Variants in RYR2 observed in about 807,000 individuals in gnomAD.
RYR2 encodes the protein ryanodine receptor 2.
In RYR2, 227 loss-of-function variants were observed where a neutral mutation model predicts 601.1. The observed-to-expected ratio is 0.38, with a 90% confidence interval of 0.34 to 0.42. The LOEUF (loss-of-function observed/expected upper bound fraction) is 0.42. Ranked by LOEUF, RYR2 falls within the 10% of genes least tolerant of loss-of-function variation. RYR2 has a pLI of 1.00. For missense variants in RYR2, 4,646 were observed against 6,156.5 expected, an observed-to-expected ratio of 0.75 and a Z score of 8.21; for synonymous variants, 2,223 against 2,175.1, an observed-to-expected ratio of 1.02 and a Z score of -0.61.
At chr1:237,456,423 A>G (rs909984862) in intron 15 of RYR2, among the ~76,000 whole-genome samples, 177 bp from the exon 16 acceptor site, 1 of 152,206 alleles carries the variant, frequency 6.6e-6, no homozygotes, top group Non-Finnish European at 1.5e-5. Context: ...AGAACATTTC[A>G]TTTCACATGC....
chr1:237,140,884 G>A (rs1673316094), intron 1 of RYR2, among the ~76,000 whole-genome samples: 1 of 152,180 alleles, frequency 6.6e-6, no homozygotes, highest in Non-Finnish European at 1.5e-5. Context: ...GAGCTAGGCC[G>A]AGCTCAGTGT....
chr1:237,819,247 G>T lies in RYR2; in HGVS notation c.14590+55G>T. 6.6e-7 allele frequency: 1 copy of T among 1,526,000 alleles called. No individual in the cohort carries two copies. The highest frequency in any genetic ancestry group is 9.0e-7 in the Non-Finnish European group (1 of 1,106,308). The allele number at this position is 1,526,000 out of a possible 1,614,324, so 94.5% of individuals were successfully genotyped here. A position where few individuals can be genotyped will look rare whatever the true frequency, so the allele number is the denominator to read the frequency against. On this transcript the variant is annotated intron_variant, in intron 101 of 104. Coordinates refer to ENST00000366574, the MANE Select transcript of RYR2 (RefSeq NM_001035.3). The surrounding 1 kb of genome is among the most constrained non-coding windows in gnomAD (Gnocchi z 4.0). Reference sequence around the variant, plus strand: ...ACATCTAGAATTTGAGCCACATGTTGCTGAAGTTAATATTCAAGGTAGGGT... The same window carrying T: ...ACATCTAGAATTTGAGCCACATGTTTCTGAAGTTAATATTCAAGGTAGGGT...
intron 1 of RYR2, among the ~76,000 whole-genome samples, chr1:237,083,297 C>T (rs745971705): frequency 4.6e-5 from 7 of 152,168 alleles, no homozygotes; most frequent in Non-Finnish European, 1.0e-4. Flanking sequence ...GGGCAGCCAA[C>T]AGCCAGATGA....
intron 60 of RYR2, among the ~76,000 whole-genome samples, chr1:237,677,568 T>C (rs1214269019): frequency 6.6e-6 from 1 of 152,184 alleles, no homozygotes; most frequent in Non-Finnish European, 1.5e-5. Context: ...TCCTGCAGTT[T>C]TTTAGTTTGT....
intron 1 of RYR2, among the ~76,000 whole-genome samples, chr1:237,193,298 T>C (rs549356015): frequency 4.6e-5 from 7 of 151,910 alleles, no homozygotes; most frequent in Non-Finnish European, 1.0e-4. Context: ...ACCCCGTCTC[T>C]ACTAAAAATA....
At chr1:237,385,856 C>G (rs1408520075) in intron 8 of RYR2, among the ~76,000 whole-genome samples, 1 of 152,186 alleles carries the variant, frequency 6.6e-6, no homozygotes, top group Non-Finnish European at 1.5e-5. Flanking sequence ...CAGCTGTGAA[C>G]CTGTGTCAGG....
intron 10 of RYR2, among the ~76,000 whole-genome samples, chr1:237,413,081 A>G (rs950884795): frequency 6.6e-6 from 1 of 152,116 alleles, no homozygotes; most frequent in South Asian, 2.1e-4. Context: ...AGATCTTGAT[A>G]TTGTGGTGCC....
intron 24 of RYR2, among the ~76,000 whole-genome samples, chr1:237,528,106 T>C (rs911005422): frequency 3.9e-5 from 6 of 152,152 alleles, no homozygotes; most frequent in Admixed American, 3.3e-4. Context: ...AAATTAAAGA[T>C]GCTGGCAATT....
chr1:237,454,238 A>G (rs1315402249), intron 14 of RYR2, among the ~76,000 whole-genome samples, 153 bp from the exon 15 acceptor site: 2 of 152,186 alleles, frequency 1.3e-5, no homozygotes, highest in Non-Finnish European at 1.5e-5. Flanking sequence ...ATCAGAATCC[A>G]TGATCACTGC....
rs866851244 is a variant in RYR2 at position 237,406,942 on chromosome 1, T to C, written c.774-10107T>C. On this transcript the variant is annotated intron_variant, in intron 10 of 104. Transcript: ENST00000366574. ...TAATAACATGTATCCACAATTGCAGTATCACACACAATAATTTCACTGCTC... is the reference window on the plus strand; with the variant it reads ...TAATAACATGTATCCACAATTGCAGCATCACACACAATAATTTCACTGCTC... 8.5e-5 allele frequency among the ~76,000 whole-genome samples: 13 copies of C among 152,302 alleles called. 1 individual carries two copies. Among genetic ancestry groups the C allele is most frequent in the Middle Eastern group, 6.8e-3 (2 of 294 alleles).
chr1:237,231,694 A>T (rs1685016439), intron 1 of RYR2, among the ~76,000 whole-genome samples: 1 of 152,124 alleles, frequency 6.6e-6, no homozygotes, highest in Admixed American at 6.5e-5. Flanking sequence ...TTGCATGTGG[A>T]TTTAGAGGAA....
chr1:237,627,782 A>C, intron 40 of RYR2, 25 bp from the exon 41 acceptor site: 2 of 1,547,092 alleles, frequency 1.3e-6, no homozygotes, highest in East Asian at 4.7e-5. Flanking sequence ...TTTTCTTTTA[A>C]AAAATATCCA....
At chr1:237,832,505 G>A (rs759521527) in intron 104 of RYR2, 47 bp from the exon 105 acceptor site, 1 of 1,257,730 alleles carries the variant, frequency 8.0e-7, no homozygotes, top group East Asian at 2.3e-5. Flanking sequence ...TGTTTTGTTA[G>A]CACACACTTT....
chr1:237,600,282 C>T (rs1382519359), intron 34 of RYR2, among the ~76,000 whole-genome samples: 2 of 151,564 alleles, frequency 1.3e-5, no homozygotes, highest in African/African-American at 2.4e-5. Flanking sequence ...AACAGAGAAC[C>T]CAGAAAAAAA....
intron 101 of RYR2, among the ~76,000 whole-genome samples, chr1:237,823,642 A>G (rs1464903881): frequency 6.6e-6 from 1 of 152,168 alleles, no homozygotes; most frequent in Non-Finnish European, 1.5e-5. Context: ...GAGCAAACAA[A>G]TTCAAAAGCT....
At chr1:237,088,499 T>A (rs1401772501) in intron 1 of RYR2, among the ~76,000 whole-genome samples, 1 of 152,226 alleles carries the variant, frequency 6.6e-6, no homozygotes, top group Non-Finnish European at 1.5e-5. Flanking sequence ...TCGCAATTTA[T>A]TATCTCAAAC....
chr1:237,724,761 A>ACGAGAGTAC (rs3999835), intron 74 of RYR2, among the ~76,000 whole-genome samples: 1 of 151,774 alleles, frequency 6.6e-6, no homozygotes, highest in African/African-American at 2.4e-5. Flanking sequence ...TTAAATGGCT[A>ACGAGAGTAC]CATTTCTGAC....
chr1:237,088,964 C>G (rs752151887), intron 1 of RYR2, among the ~76,000 whole-genome samples: 6 of 152,140 alleles, frequency 3.9e-5, no homozygotes, highest in East Asian at 1.9e-4. Flanking sequence ...ACAGGAGAAG[C>G]CTTTTCTATT....
chr1:237,261,547 G>A (rs1833419), intron 1 of RYR2, among the ~76,000 whole-genome samples: 10,529 of 152,222 alleles, frequency 0.069, 451 homozygotes, highest in Middle Eastern at 0.12. Context: ...TCACTCCACC[G>A]GGACGGTTAT....
Sources: gnomAD v4.1 joint callset for allele counts (sites outside exome capture counted in the v4.1 genomes callset) on GRCh38, gnomAD v4.1.1 for gene constraint, Gnocchi (gnomAD v3.1) non-coding constraint, MANE v1.5 for transcripts, NCBI Gene and HGNC (gene_info 2026-07-23, HGNC 2026-07-21) for gene names.